Variants in HOATZ observed in about 807,000 individuals in gnomAD.
HOATZ encodes the protein HOATZ cilia and flagella associated protein, also known as cilia- and flagella-associated protein HOATZ.
Under a neutral mutation model 24.9 loss-of-function variants are expected in HOATZ, and 26 were observed. The ratio of observed to expected loss-of-function variants is 1.04; its 90% CI spans 0.76 to 1.45. The LOEUF (loss-of-function observed/expected upper bound fraction) is 1.45, where lower values mean the gene tolerates loss of function less well. Among genes scored for constraint, HOATZ ranks in the 40% most tolerant of loss-of-function variants. The pLI, the probability that HOATZ is intolerant of heterozygous loss-of-function variation, is 0.00. For missense variants in HOATZ, 226 were observed against 201.5 expected (o/e 1.12, Z -0.74); for synonymous variants, 83 against 76.6 (o/e 1.08, Z -0.43).
chr11:111,519,785 AC>A (rs1867249330), intron 3 of HOATZ, among the ~76,000 whole-genome samples: 1 of 152,222 alleles, frequency 6.6e-6, no homozygotes, highest in African/African-American at 2.4e-5. Context: ...ATTGGAAAAA[AC>A]ATTACCCATA....
chr11:111,518,035 C>A (rs1251967557), intron 3 of HOATZ, among the ~76,000 whole-genome samples: 1 of 152,180 alleles, frequency 6.6e-6, no homozygotes, highest in African/African-American at 2.4e-5. Context: ...ATAGTTGGAT[C>A]TCAACCATGC....
chr11:111,515,197 A>G, intron 1 of HOATZ, 187 bp downstream of exon 1: 1 of 607,110 alleles, frequency 1.6e-6, no homozygotes, highest in East Asian at 2.7e-5. Context: ...TCAGTGGTAT[A>G]TATGTTACAT....
chr11:111,516,211 C>A, intron 3 of HOATZ, 101 bp downstream of exon 3: 4 of 666,596 alleles, frequency 6.0e-6, no homozygotes, highest in Non-Finnish European at 1.0e-5. Flanking sequence ...ACTTCTAGTG[C>A]ATCAGCTTGA....
In HOATZ at chr11:111,534,365, A is replaced by G. The variant is rs2298739; in HGVS notation, c.400-47A>G. 5.9e-3 allele frequency: 8,230 copies of G among 1,394,684 alleles called. 657 individuals carry two copies. The Admixed American group carries it at 0.12, about 21-fold the overall frequency. 86.4% of individuals were successfully genotyped at this position (1,394,684 alleles called of 1,614,324 possible). A position where few individuals can be genotyped will look rare whatever the true frequency, so the allele number is the denominator to read the frequency against. ...CAAATGAGTAAATTCCAATCAGTGCAAGAAGTAAAATTTTACCTTTTTGAT... is the reference window on the plus strand; with the variant it reads ...CAAATGAGTAAATTCCAATCAGTGCGAGAAGTAAAATTTTACCTTTTTGAT... On this transcript the variant is annotated intron_variant, in intron 4 of 5. Transcript: ENST00000375618.
intron 3 of HOATZ, among the ~76,000 whole-genome samples, chr11:111,529,742 C>T (rs981347668): frequency 6.6e-6 from 1 of 152,060 alleles, no homozygotes; most frequent in Non-Finnish European, 1.5e-5. Context: ...TATATGGGAA[C>T]CAGGTCTTGA....
In HOATZ at chr11:111,534,467, A is replaced by T; in HGVS notation, c.452+3A>T. 1.2e-6 allele frequency: 2 copies of T among 1,602,154 alleles called. No homozygotes were observed. The highest frequency in any genetic ancestry group is 1.7e-6 in the Non-Finnish European group (2 of 1,169,182). On this transcript the variant is annotated splice_donor_region_variant and intron_variant, in intron 5 of 5. Transcript: ENST00000375618. ...AAAGCCAAAGAACACAAAGCAAAGTAAGTTTACCTATGTCAAAAATATTCT... is the reference window on the plus strand; with the variant it reads ...AAAGCCAAAGAACACAAAGCAAAGTTAGTTTACCTATGTCAAAAATATTCT...
chr11:111,536,770 G>T lies in HOATZ; in HGVS notation c.453G>T (p.Lys151Asn). The T allele has an allele frequency of 6.2e-7, 1 of 1,612,208 alleles. No individual in the cohort carries two copies. Among genetic ancestry groups the T allele is most frequent in the Non-Finnish European group, 8.5e-7 (1 of 1,178,386 alleles). ...AACTGACTGATATTACTACCAACAG[G>T]AAAGTGGTATCAGAGTCAGATAAAG... is the stretch of plus-strand genomic sequence containing the variant. ...YKPKAKEHKA[K>N]KVVSESDKED... The change falls in exon 6 of 6, where the codon AAG (lysine) becomes AAT (asparagine). Residue 151 changes from lysine (K) to asparagine (N), a missense_variant and splice_region_variant. Lys to Asn is a moderately conservative substitution (Grantham distance 94). Transcript: ENST00000375618.
At chr11:111,519,522 G>A (rs995807275) in intron 3 of HOATZ, among the ~76,000 whole-genome samples, 2 of 152,086 alleles carry the variant, frequency 1.3e-5, no homozygotes, top group Non-Finnish European at 2.9e-5. Flanking sequence ...TATAATGGGA[G>A]GAAACGTAAC....
At chr11:111,534,767 C>A (rs1324537323) in intron 5 of HOATZ, 2 of 297,190 alleles carry the variant, frequency 6.7e-6, no homozygotes, top group Non-Finnish European at 1.3e-5. Context: ...CACCCATCAT[C>A]ATGCCCTCCT....
At chr11:111,515,323 CAT>C (rs2135770623) in intron 1 of HOATZ, among the ~76,000 whole-genome samples, 186 bp from the exon 2 acceptor site, 1 of 152,186 alleles carries the variant, frequency 6.6e-6, no homozygotes, top group Non-Finnish European at 1.5e-5. Flanking sequence ...TTAATTCAAA[CAT>C]GAAAAGCCCT....
intron 5 of HOATZ, chr11:111,535,293 T>C (rs1044963920): frequency 2.0e-5 from 3 of 152,222 alleles, no homozygotes; most frequent in African/African-American, 7.2e-5. Flanking sequence ...TACACAATGC[T>C]CAGCAACCTA....
At position 111,514,872 on chromosome 11, in the gene HOATZ, T is replaced by C; in HGVS notation, c.88T>C (p.Ser30Pro). Residue 30 changes from serine (S) to proline (P), a missense_variant, in exon 1 of 6, where the codon TCG (serine) becomes CCG (proline). Coordinates refer to ENST00000375618, the MANE Select transcript of HOATZ (RefSeq NM_001100388.2). ...PPGLLVFAGS[S>P]EQDANLAKQF... Reference sequence around the variant, plus strand: ...GGGATTACTGGTATTTGCTGGCTCCTCGGAACAAGATGCCAACTTGGCTAA... The same window carrying C: ...GGGATTACTGGTATTTGCTGGCTCCCCGGAACAAGATGCCAACTTGGCTAA... 6.2e-7 allele frequency: 1 copy of C among 1,613,876 alleles called. No homozygotes were observed. The highest frequency in any genetic ancestry group is 8.5e-7 in the Non-Finnish European group (1 of 1,179,954).
chr11:111,516,886 C>A (rs1867211657), intron 3 of HOATZ, among the ~76,000 whole-genome samples: 1 of 152,194 alleles, frequency 6.6e-6, no homozygotes. Context: ...TTTCTGGCAA[C>A]ATCCTTTGTT....
At chr11:111,517,815 G>A (rs1475819103) in intron 3 of HOATZ, among the ~76,000 whole-genome samples, 1 of 152,148 alleles carries the variant, frequency 6.6e-6, no homozygotes, top group East Asian at 1.9e-4. Flanking sequence ...AATATGCAAA[G>A]CAATCCCTCA....
intron 3 of HOATZ, among the ~76,000 whole-genome samples, chr11:111,522,035 A>G (rs954509964): frequency 2.0e-5 from 3 of 152,200 alleles, no homozygotes; most frequent in Non-Finnish European, 4.4e-5. Context: ...TTTGTCCCAT[A>G]TAGACCCAGC....
Position 111,514,951 on chromosome 11 carries a change from T to C in HOATZ, c.167T>C (p.Leu56Pro). Residue 56 changes from leucine to proline, a missense_variant, in exon 1 of 6, where the codon CTG becomes CCG. Coordinates refer to ENST00000375618, the MANE Select transcript of HOATZ (RefSeq NM_001100388.2). ...CCCCCTAGCGAATCTCAGCTGGTGC[T>C]GCGCAGAGACAGCAGTCAGCGTCTG... ...MYPPSESQLV[L>P]RRDSSQRLPV... is the part of the protein sequence containing the mutation. 6.2e-7 allele frequency: 1 copy of C among 1,613,966 alleles called. No homozygotes were observed. Among genetic ancestry groups the C allele is most frequent in the Non-Finnish European group, 8.5e-7 (1 of 1,180,032 alleles).
chr11:111,532,584 A>G (rs1867404884), intron 3 of HOATZ, among the ~76,000 whole-genome samples: 1 of 152,226 alleles, frequency 6.6e-6, no homozygotes, highest in African/African-American at 2.4e-5. Context: ...GAAAGAAGCA[A>G]AGAAACCCTA....
In HOATZ at chr11:111,533,798, G is replaced by T; in HGVS notation, c.392G>T (p.Arg131Met). Residue 131 changes from arginine (R) to methionine (M), a missense_variant, in exon 4 of 6, where the codon AGG becomes ATG. By Grantham distance (91) the Arg-to-Met change is moderately conservative. Coordinates refer to ENST00000375618, the MANE Select transcript of HOATZ (RefSeq NM_001100388.2). ...CTCTTAAGAAAACAAAGAGAAGAAA[G>T]GATCTCGGTGAGACCAATAGTGAGG... is the stretch of plus-strand genomic sequence containing the variant. ...LQLLRKQREE[R>M]ISKELISLPY... is the part of the protein sequence containing the mutation. 6.4e-7 allele frequency: 1 copy of T among 1,570,322 alleles called. No homozygotes were observed.
At chr11:111,524,809 T>C (rs955181381) in intron 3 of HOATZ, 27 of 412,714 alleles carry the variant, frequency 6.5e-5, no homozygotes, top group Non-Finnish European at 1.2e-4. Flanking sequence ...TTGATTTTAT[T>C]GTTGATATAA....
Sources: gnomAD v4.1 joint callset for allele counts (sites outside exome capture counted in the v4.1 genomes callset) on GRCh38, gnomAD v4.1.1 for gene constraint, MANE v1.5 for transcripts, NCBI Gene and HGNC (gene_info 2026-07-23, HGNC 2026-07-21) for gene names.